CSF1R: variants seen among roughly 807,000 people sequenced by gnomAD.
The protein encoded by CSF1R is colony stimulating factor 1 receptor.
Under a neutral mutation model 110.0 loss-of-function variants are expected in CSF1R, and 40 were observed. The ratio of observed to expected loss-of-function variants is 0.36; its 90% CI spans 0.28 to 0.47. The LOEUF is 0.47. Among genes scored for constraint, CSF1R ranks in the 20% least tolerant of loss-of-function variants. The probability of loss-of-function intolerance (pLI) is 0.99; values close to 1 mark genes in which losing one functional copy is unlikely to be tolerated. For missense variants in CSF1R, 1,052 were observed against 1,253.0 expected (o/e 0.84, Z 2.42); for synonymous variants, 523 against 503.4 (o/e 1.04, Z -0.52).
In CSF1R at chr5:150,086,546, T is replaced by C. The variant is rs1337434224; in HGVS notation, c.-119A>G. On this transcript the variant is annotated 5_prime_UTR_variant, in exon 1 of 21. Transcript: ENST00000675795. The stretch of plus-strand genomic sequence containing the variant: ...GGACACACGTTCCTCTCCTCTGCAC[T>C]GGCTGTTTGTCTTGTTTTCCTCTTC... 1.3e-5 allele frequency: 12 copies of C among 920,290 alleles called. No individual in the cohort carries two copies. Among genetic ancestry groups the C allele is most frequent in the Middle Eastern group, 2.6e-4 (1 of 3,892 alleles). 57.0% of individuals were successfully genotyped at this position (920,290 alleles called of 1,614,324 possible). A position where few individuals can be genotyped will look rare whatever the true frequency, so the allele number is the denominator to read the frequency against.
chr5:150,101,412 C>A (rs1759399309), intron 1 of CSF1R, among the ~76,000 whole-genome samples: 1 of 152,160 alleles, frequency 6.6e-6, no homozygotes, highest in Non-Finnish European at 1.5e-5. Context: ...TATGTCACTG[C>A]AGCTTTGTAG....
chr5:150,064,177 G>A (rs1367225989), intron 10 of CSF1R, among the ~76,000 whole-genome samples: 1 of 152,192 alleles, frequency 6.6e-6, no homozygotes, highest in African/African-American at 2.4e-5. Flanking sequence ...AAGCGGGCGA[G>A]GGTTGAAAAA....
chr5:150,081,135 G>A, intron 1 of CSF1R, 111 bp from the exon 2 acceptor site: 1 of 1,291,048 alleles, frequency 7.7e-7, no homozygotes, highest in Admixed American at 2.0e-5. Context: ...GTGCCATCAA[G>A]GGACCACCTT....
Position 150,055,303 on chromosome 5 carries a change from C to G in CSF1R, c.2588G>C (p.Ser863Thr). 1 of 1,614,244 alleles carries G rather than the reference C, an allele frequency of 6.2e-7. No homozygotes were observed. The highest frequency in any genetic ancestry group is 8.5e-7 in the Non-Finnish European group (1 of 1,180,036). Residue 863 changes from serine to threonine, a missense_variant, in exon 19 of 21, where the codon AGC becomes ACC. Ser to Thr is a moderately conservative substitution (Grantham distance 58, BLOSUM62 1). Transcript: ENST00000675795. Reference protein sequence around the residue: ...LNPYPGILVNSKFYKLVKDGY... With the variant: ...LNPYPGILVNTKFYKLVKDGY... The stretch of plus-strand genomic sequence containing the variant: ...ATCCTTCACCAGTTTATAGAACTTG[C>G]TGTTCACCAGGATGCCAGGGTAGGG...
Position 150,054,059 on chromosome 5 carries a change from C to T in CSF1R, c.*10G>A, listed in dbSNP as rs374082775. 135 of 1,613,666 alleles carry T rather than the reference C, an allele frequency of 8.4e-5. No individual in the cohort carries two copies. The highest frequency in any genetic ancestry group is 1.1e-4 in the Non-Finnish European group (126 of 1,179,888). On this transcript the variant is annotated 3_prime_UTR_variant, in exon 21 of 21. Coordinates refer to ENST00000675795, the MANE Select transcript of CSF1R (RefSeq NM_001288705.3). ...GGGAGGGGAGAGTGGTACTCCCTGT[C>T]GTCAACTCCTCAGCAGAACTGATAG...
chr5:150,101,174 C>T (rs899376195), intron 1 of CSF1R, among the ~76,000 whole-genome samples: 2 of 152,134 alleles, frequency 1.3e-5, no homozygotes, highest in Non-Finnish European at 2.9e-5. Flanking sequence ...TGAGGGTGTT[C>T]CAGTTTCAAG....
At position 150,057,555 on chromosome 5, in the gene CSF1R, C is replaced by A; in HGVS notation, c.2170G>T (p.Val724Leu). The change falls in exon 15 of 21, where the codon GTG becomes TTG. Residue 724 changes from valine to leucine, a missense_variant. By Grantham distance (32) the Val-to-Leu change is conservative. Around this residue, in one of 5 missense-constraint regions of CSF1R, gnomAD observed 124 missense variants for 117.7 expected, o/e 1.05. Coordinates refer to ENST00000675795, the MANE Select transcript of CSF1R (RefSeq NM_001288705.3). The part of the protein sequence containing the change: ...GFSSQGVDTY[V>L]EMRPVSTSSN... ...GAAGTGGAGACAGGCCTCATCTCCA[C>A]ATAGGTGTCCACACCCTGGCTGGAG... The A allele has an allele frequency of 6.2e-7, 1 of 1,614,250 alleles. No homozygotes were observed. Among genetic ancestry groups the A allele is most frequent in the Non-Finnish European group, 8.5e-7 (1 of 1,180,044 alleles).
chr5:150,069,547 G>A (rs1208511201), intron 9 of CSF1R, among the ~76,000 whole-genome samples: 3 of 152,138 alleles, frequency 2.0e-5, no homozygotes, highest in East Asian at 1.9e-4. Flanking sequence ...CATAGGGCAC[G>A]TCCCTGGCAC....
intron 14 of CSF1R, among the ~76,000 whole-genome samples, chr5:150,058,550 G>T (rs759556544): frequency 6.6e-6 from 1 of 152,162 alleles, no homozygotes; most frequent in Non-Finnish European, 1.5e-5. Context: ...CCCACTCTGG[G>T]AATACTTTCC....
At chr5:150,082,070 C>T (rs1349459932) in intron 1 of CSF1R, among the ~76,000 whole-genome samples, 1 of 152,216 alleles carries the variant, frequency 6.6e-6, no homozygotes, top group Non-Finnish European at 1.5e-5. Flanking sequence ...CTCACTTCTG[C>T]TTCCCCAGCC....
intron 1 of CSF1R, among the ~76,000 whole-genome samples, chr5:150,106,066 C>A (rs1409523402): frequency 2.0e-5 from 3 of 152,242 alleles, no homozygotes; most frequent in Non-Finnish European, 4.4e-5. Flanking sequence ...ATGACCAGCA[C>A]ACTGCACAGG....
intron 5 of CSF1R, among the ~76,000 whole-genome samples, chr5:150,075,101 C>T (rs945604511): frequency 3.3e-5 from 5 of 152,194 alleles, no homozygotes; most frequent in African/African-American, 1.2e-4. Flanking sequence ...CATTAGGCAC[C>T]ACATCTGCAC....
At chr5:150,080,025 G>T in intron 3 of CSF1R, 27 bp downstream of exon 3, 1 of 1,602,338 alleles carries the variant, frequency 6.2e-7, no homozygotes. Context: ...CTTCAGGCCT[G>T]GCTGCCGGTC....
chr5:150,101,035 G>T (rs1234529719), intron 1 of CSF1R, among the ~76,000 whole-genome samples: 3 of 150,670 alleles, frequency 2.0e-5, no homozygotes, highest in Admixed American at 6.6e-5. Flanking sequence ...TTCAGTACCC[G>T]ATCTCTTTGC....
At chr5:150,093,188 C>T (rs191414410) in intron 1 of CSF1R, among the ~76,000 whole-genome samples, 158 of 152,316 alleles carry the variant, frequency 1.0e-3, no homozygotes, top group African/African-American at 3.6e-3. Flanking sequence ...AAGCGATTCT[C>T]ACGCATCAGC....
At chr5:150,066,505 A>G (rs1020687779) in intron 10 of CSF1R, among the ~76,000 whole-genome samples, 3 of 152,158 alleles carry the variant, frequency 2.0e-5, no homozygotes, top group Admixed American at 6.5e-5. Flanking sequence ...ATGGTATAAG[A>G]GGGGAAACTA....
chr5:150,077,002 C>T, intron 5 of CSF1R: 4 of 500,140 alleles, frequency 8.0e-6, no homozygotes, highest in Non-Finnish European at 1.5e-5. Flanking sequence ...TAGGGAGCTA[C>T]TGGACCCCAA....
At chr5:150,099,114 G>A (rs1012440283) in intron 1 of CSF1R, among the ~76,000 whole-genome samples, 1 of 148,256 alleles carries the variant, frequency 6.7e-6, no homozygotes, top group African/African-American at 2.5e-5. Context: ...CACCATGTTG[G>A]CCAAGCTGAT....
chr5:150,061,803 C>G lies in CSF1R; in HGVS notation c.1673G>C (p.Gly558Ala). 2 of 1,614,194 alleles carry G rather than the reference C, an allele frequency of 1.2e-6. No homozygotes were observed. The highest frequency in any genetic ancestry group is 8.5e-7 in the Non-Finnish European group (1 of 1,180,040). ...GGGGTCGATGAAAGTATAACTGTTG[C>G]CCTCATAGCTCTCGATGATCTTCCA... is the stretch of plus-strand genomic sequence containing the variant. Reference protein sequence around the residue: ...VRWKIIESYEGNSYTFIDPTQ... With the variant: ...VRWKIIESYEANSYTFIDPTQ... The change falls in exon 11 of 21, where the codon GGC becomes GCC. Residue 558 changes from glycine to alanine, a missense_variant. Transcript: ENST00000675795.
Sources: allele counts gnomAD v4.1 joint callset (sites outside exome capture counted in the v4.1 genomes callset), GRCh38; gene constraint gnomAD v4.1.1; regional missense constraint gnomAD v4.1.1; transcripts MANE v1.5; gene names NCBI Gene and HGNC (gene_info 2026-07-23, HGNC 2026-07-21).